Variants in ROBO2 observed in about 807,000 individuals in gnomAD.
ROBO2 encodes roundabout homolog 2.
In ROBO2, 53 loss-of-function variants were observed where a neutral mutation model predicts 160.8. That is an observed-to-expected ratio of 0.33 (90% confidence interval 0.26 to 0.41). The LOEUF (loss-of-function observed/expected upper bound fraction) is 0.41, where lower values mean the gene tolerates loss of function less well. Ranked by LOEUF, ROBO2 falls within the 10% of genes least tolerant of loss-of-function variation. The pLI, the probability that ROBO2 is intolerant of heterozygous loss-of-function variation, is 1.00. For missense variants in ROBO2, 1,577 were observed against 1,722.4 expected (o/e 0.92, Z 1.49); for synonymous variants, 664 against 611.7 (o/e 1.09, Z -1.26).
At chr3:77,426,094 G>A (rs1051142810) in intron 2 of ROBO2, among the ~76,000 whole-genome samples, 4 of 152,234 alleles carry the variant, frequency 2.6e-5, no homozygotes, top group African/African-American at 9.6e-5. Context: ...GAGCAAGAAC[G>A]AAGCAGGAAT....
At chr3:76,447,744 G>A (rs1358428251) in intron 2 of ROBO2, among the ~76,000 whole-genome samples, 2 of 151,806 alleles carry the variant, frequency 1.3e-5, no homozygotes, top group African/African-American at 4.8e-5. Flanking sequence ...CCTTTGTAGG[G>A]ACATGGATGA....
At chr3:76,472,381 T>C (rs1325011643) in intron 2 of ROBO2, among the ~76,000 whole-genome samples, 3 of 151,950 alleles carry the variant, frequency 2.0e-5, no homozygotes, top group African/African-American at 7.3e-5. Flanking sequence ...AATTTGAAAA[T>C]AAATAATATT....
chr3:77,578,166 G>A (rs1206716194), intron 15 of ROBO2, among the ~76,000 whole-genome samples: 1 of 151,976 alleles, frequency 6.6e-6, no homozygotes, highest in South Asian at 2.1e-4. Flanking sequence ...ACAGTTGATT[G>A]TCTCATTTTT....
At chr3:76,416,324 T>C (rs2075755808) in intron 2 of ROBO2, among the ~76,000 whole-genome samples, 1 of 152,166 alleles carries the variant, frequency 6.6e-6, no homozygotes, top group Admixed American at 6.5e-5. Flanking sequence ...TCTTTTCAAT[T>C]CCATCTTCCA....
intron 2 of ROBO2, among the ~76,000 whole-genome samples, chr3:77,307,656 G>T (rs1212892566): frequency 6.6e-6 from 1 of 152,194 alleles, no homozygotes; most frequent in Admixed American, 6.5e-5. Context: ...GCTGAGGCTG[G>T]TGGATCAATT....
intron 2 of ROBO2, among the ~76,000 whole-genome samples, chr3:76,508,613 C>T (rs2080917436): frequency 6.6e-6 from 1 of 152,108 alleles, no homozygotes; most frequent in South Asian, 2.1e-4. Flanking sequence ...TATTTTAGTA[C>T]AAATGTAGTA....
At chr3:76,824,365 G>C (rs920221448) in intron 2 of ROBO2, among the ~76,000 whole-genome samples, 1 of 152,164 alleles carries the variant, frequency 6.6e-6, no homozygotes, top group African/African-American at 2.4e-5. Flanking sequence ...CCAGAGTGCT[G>C]GGATTATAGG....
chr3:76,191,486 C>A (rs1467617933), intron 2 of ROBO2, among the ~76,000 whole-genome samples: 2 of 83,000 alleles, frequency 2.4e-5, no homozygotes, highest in Non-Finnish European at 4.9e-5. Context: ...CTCAGACATC[C>A]CGTTATTAAA....
At chr3:77,459,573 T>G (rs2082023557) in intron 2 of ROBO2, among the ~76,000 whole-genome samples, 1 of 152,180 alleles carries the variant, frequency 6.6e-6, no homozygotes, top group Admixed American at 6.5e-5. Context: ...AAGAATACTT[T>G]TACACAGTAA....
At chr3:76,276,807 G>T (rs1395099106) in intron 2 of ROBO2, among the ~76,000 whole-genome samples, 1 of 151,878 alleles carries the variant, frequency 6.6e-6, no homozygotes, top group Non-Finnish European at 1.5e-5. Context: ...AAGTCTGTGT[G>T]ATTTACATTA....
chr3:75,918,163 T>G (rs541508606), intron 1 of ROBO2, among the ~76,000 whole-genome samples: 1 of 152,208 alleles, frequency 6.6e-6, no homozygotes, highest in Non-Finnish European at 1.5e-5. Context: ...TTTTATAGTT[T>G]TAGGTTTTAC....
At position 76,883,257 on chromosome 3, in the gene ROBO2, A is replaced by G. The variant is rs148410809; in HGVS notation, c.110-214757A>G. On this transcript the variant is annotated intron_variant, in intron 2 of 26. Transcript: ENST00000487694. Reference sequence around the variant, plus strand: ...ATATTCTTTTAAAAGTCCACAGCATAAAAGTCTACTTTGTGAGCCTGAAAA... The same window carrying G: ...ATATTCTTTTAAAAGTCCACAGCATGAAAGTCTACTTTGTGAGCCTGAAAA... Among the ~76,000 whole-genome samples, 706 of 152,296 alleles carry G rather than the reference A, an allele frequency of 4.6e-3. 4 individuals are homozygous for G. The highest frequency in any genetic ancestry group is 0.016 in the African/African-American group (686 of 41,576).
chr3:76,643,404 A>G (rs1157354582), intron 2 of ROBO2, among the ~76,000 whole-genome samples: 1 of 152,180 alleles, frequency 6.6e-6, no homozygotes, highest in African/African-American at 2.4e-5. Context: ...ACAGTTTTTT[A>G]AACTAGAAAG....
intron 2 of ROBO2, among the ~76,000 whole-genome samples, chr3:75,967,249 T>G (rs1280686744): frequency 6.6e-6 from 1 of 151,616 alleles, no homozygotes; most frequent in Admixed American, 6.6e-5. Flanking sequence ...ATACTGCCAA[T>G]TTGAGATAGT....
At chr3:76,671,610 A>C (rs998212309) in intron 2 of ROBO2, among the ~76,000 whole-genome samples, 3 of 152,154 alleles carry the variant, frequency 2.0e-5, no homozygotes, top group Admixed American at 1.3e-4. Context: ...TAGCAACACA[A>C]CATTGAGATA....
chr3:76,580,119 A>G (rs1363080720), intron 2 of ROBO2, among the ~76,000 whole-genome samples: 1 of 152,174 alleles, frequency 6.6e-6, no homozygotes, highest in East Asian at 1.9e-4. Flanking sequence ...GGATATCAGT[A>G]GGAGACTTCC....
chr3:77,118,523 C>T (rs956187873), intron 2 of ROBO2, among the ~76,000 whole-genome samples: 1 of 152,130 alleles, frequency 6.6e-6, no homozygotes, highest in African/African-American at 2.4e-5. Flanking sequence ...AGATGTTTTA[C>T]ACAGTTATTT....
intron 2 of ROBO2, among the ~76,000 whole-genome samples, chr3:76,516,026 C>T (rs891170631): frequency 2.0e-5 from 3 of 152,026 alleles, no homozygotes; most frequent in African/African-American, 7.2e-5. Flanking sequence ...AGGCGAAAAG[C>T]TAGATTTAGA....
At chr3:76,265,085 G>A (rs772006880) in intron 2 of ROBO2, among the ~76,000 whole-genome samples, 12 of 152,054 alleles carry the variant, frequency 7.9e-5, no homozygotes, top group Non-Finnish European at 8.8e-5. Flanking sequence ...CCTTACATCT[G>A]AGCCCTCCTG....
Sources: allele counts gnomAD v4.1 joint callset (sites outside exome capture counted in the v4.1 genomes callset), GRCh38; gene constraint gnomAD v4.1.1; transcripts MANE v1.5; gene names NCBI Gene and HGNC (gene_info 2026-07-23, HGNC 2026-07-21).